PTPN14: variants seen among roughly 807,000 people sequenced by gnomAD.
PTPN14 encodes protein tyrosine phosphatase non-receptor type 14.
Under a neutral mutation model 126.8 loss-of-function variants are expected in PTPN14, and 53 were observed. The ratio of observed to expected loss-of-function variants is 0.42; its 90% CI spans 0.34 to 0.53. The LOEUF is 0.53. PTPN14 is among the 20% of genes least tolerant of loss of function. The probability of loss-of-function intolerance (pLI) is 0.08; values close to 1 mark genes in which losing one functional copy is unlikely to be tolerated. For synonymous variants in PTPN14, 630 were observed against 599.3 expected, an observed-to-expected ratio of 1.05 and a Z score of -0.75; for missense variants, 1,257 against 1,552.9, an observed-to-expected ratio of 0.81 and a Z score of 3.20.
rs758886972 is a variant in PTPN14, at chr1:214,386,870, T to C, written c.1040A>G (p.His347Arg). 8 of 1,608,226 alleles carry C rather than the reference T, an allele frequency of 5.0e-6. No homozygotes were observed. The highest frequency in any genetic ancestry group is 1.7e-5 in the Admixed American group (1 of 59,960). ...TTGCGAGGTGTGCGTTTCCGAGTAG[T>C]GCTCACCACACTGGACGTGAACGGG... Reference protein sequence around the residue: ...LPPVHVQCGEHYSETHTSQDS... With the variant: ...LPPVHVQCGERYSETHTSQDS... The change falls in exon 12 of 19, where the codon CAC (histidine) becomes CGC (arginine). Residue 347 changes from histidine (H) to arginine (R), a missense_variant. Physicochemically the swap from His to Arg is conservative, Grantham distance 29. Around this residue, in one of 3 missense-constraint regions of PTPN14, gnomAD observed 1,021 missense variants for 1,183.3 expected, o/e 0.86. Coordinates refer to ENST00000366956, the MANE Select transcript of PTPN14 (RefSeq NM_005401.5).
chr1:214,370,074 A>G lies in PTPN14; in HGVS notation c.3037-383T>C, dbSNP rs186484542. Among the ~76,000 whole-genome samples the G allele has an allele frequency of 1.3e-3, 193 of 152,244 alleles. 2 individuals are homozygous for G. The highest frequency in any genetic ancestry group is 0.012 in the Admixed American group (179 of 15,292). ...GGCGCGTGGATCACAAGGTCAGGAG[A>G]TCGAGACCATCCTGGCTAACATGGT... On this transcript the variant is annotated intron_variant, in intron 16 of 18. Coordinates refer to ENST00000366956, the MANE Select transcript of PTPN14 (RefSeq NM_005401.5).
At chr1:214,529,932 C>A (rs1655497814) in intron 1 of PTPN14, 1 of 152,106 alleles carries the variant, frequency 6.6e-6, no homozygotes, top group Non-Finnish European at 1.5e-5. Flanking sequence ...TAAAGAACCA[C>A]AAATTTGCCA....
chr1:214,397,777 C>A, intron 8 of PTPN14, 136 bp downstream of exon 8: 1 of 653,104 alleles, frequency 1.5e-6, no homozygotes, highest in South Asian at 2.1e-5. Flanking sequence ...CTGCAGAGGG[C>A]TCACCTTATA....
At chr1:214,497,184 AT>A (rs1235698038) in intron 1 of PTPN14, among the ~76,000 whole-genome samples, 3 of 152,170 alleles carry the variant, frequency 2.0e-5, no homozygotes, top group Non-Finnish European at 4.4e-5. Flanking sequence ...CTTGCAACAT[AT>A]GTAACAGACA....
Position 214,510,883 on chromosome 1 carries a change from GT to G in PTPN14, c.-155+40299del, listed in dbSNP as rs951257774. 3.2e-3 allele frequency among the ~76,000 whole-genome samples: 478 copies of G among 147,968 alleles called. 2 individuals are homozygous for G. The highest frequency in any genetic ancestry group is 0.011 in the African/African-American group (439 of 40,394). On this transcript the variant is annotated intron_variant, in intron 1 of 18. Coordinates refer to ENST00000366956, the MANE Select transcript of PTPN14 (RefSeq NM_005401.5). ...TAGTTATCAATTTGTTTTTTGTTTT[GT>G]TTTTTTTTTAAGAGATGAGGTCTTG...
At chr1:214,427,276 CAAAAAAAAAAAA>C (rs5741915) in intron 3 of PTPN14, among the ~76,000 whole-genome samples, 10 of 65,204 alleles carry the variant, frequency 1.5e-4, no homozygotes, top group African/African-American at 6.5e-4. Flanking sequence ...GTCTCCATCT[CAAAAAAAAAAAA>C]AAAAAAAAAA....
Position 214,356,914 on chromosome 1 carries a change from A to G in PTPN14, c.*1008T>C, listed in dbSNP as rs1277343131. The G allele has an allele frequency of 6.6e-6, 1 of 152,206 alleles. No individual in the cohort carries two copies. The highest frequency in any genetic ancestry group is 1.5e-5 in the Non-Finnish European group (1 of 68,050). 9.4% of individuals were successfully genotyped at this position (152,206 alleles called of 1,614,324 possible). Reference sequence around the variant, plus strand: ...GACCTCAACTTTTAGGTCTCTGTCCAGCACACACATCTTATTTAAATAAAA... The same window carrying G: ...GACCTCAACTTTTAGGTCTCTGTCCGGCACACACATCTTATTTAAATAAAA... On this transcript the variant is annotated 3_prime_UTR_variant, in exon 19 of 19. Coordinates refer to ENST00000366956, the MANE Select transcript of PTPN14 (RefSeq NM_005401.5).
chr1:214,496,694 C>CA (rs1558129678), intron 1 of PTPN14, among the ~76,000 whole-genome samples: 2 of 152,132 alleles, frequency 1.3e-5, no homozygotes, highest in Admixed American at 1.3e-4. Context: ...AACTAAATGA[C>CA]AGCTGGAGAG....
At chr1:214,532,467 G>A in intron 1 of PTPN14, 1 of 839,436 alleles carries the variant, frequency 1.2e-6, no homozygotes, top group Middle Eastern at 2.5e-4. Flanking sequence ...CTCCTACCTG[G>A]ACAGACTGAG....
At chr1:214,514,691 C>T (rs1297334531) in intron 1 of PTPN14, among the ~76,000 whole-genome samples, 4 of 152,102 alleles carry the variant, frequency 2.6e-5, no homozygotes, top group Admixed American at 2.0e-4. Context: ...AGGATGTGTG[C>T]CAACTCCTCC....
chr1:214,365,820 C>T (rs1290140119), intron 17 of PTPN14, among the ~76,000 whole-genome samples: 1 of 152,088 alleles, frequency 6.6e-6, no homozygotes, highest in Non-Finnish European at 1.5e-5. Context: ...TAGTACTAGT[C>T]ATAGCAGTAC....
rs56080046 is a variant in PTPN14, at chr1:214,350,707, A to ATTTTTTTTTTTTTTTTTTTTT, written c.*7194_*7214dup. On this transcript the variant is annotated 3_prime_UTR_variant, in exon 19 of 19. Transcript: ENST00000366956. ...AGGCATGTGCCACCATGCCTGGCTA[A>ATTTTTTTTTTTTTTTTTTTTT]TTTTTTTTTTTTTTTTTTTTTTTGT... is the stretch of plus-strand genomic sequence containing the variant. The ATTTTTTTTTTTTTTTTTTTTT allele has an allele frequency of 6.7e-5, 5 of 74,554 alleles. No individual in the cohort carries two copies. Among genetic ancestry groups the ATTTTTTTTTTTTTTTTTTTTT allele is most frequent in the Non-Finnish European group, 1.1e-4 (5 of 43,644 alleles). 4.6% of individuals were successfully genotyped at this position (74,554 alleles called of 1,614,324 possible).
At chr1:214,359,695 A>G (rs1433510514) in intron 18 of PTPN14, among the ~76,000 whole-genome samples, 3 of 151,850 alleles carry the variant, frequency 2.0e-5, no homozygotes, top group African/African-American at 7.3e-5. Flanking sequence ...AACTTTTAAA[A>G]TTTTGTGTAG....
intron 1 of PTPN14, among the ~76,000 whole-genome samples, chr1:214,524,569 T>C (rs927234324): frequency 1.3e-5 from 2 of 152,070 alleles, no homozygotes; most frequent in East Asian, 1.9e-4. Flanking sequence ...AGAGGATCCC[T>C]TGAGCCCAGG....
chr1:214,398,539 T>C (rs1177100404), intron 7 of PTPN14, among the ~76,000 whole-genome samples: 3 of 151,602 alleles, frequency 2.0e-5, no homozygotes, highest in Non-Finnish European at 4.4e-5. Context: ...CTTGACCTCC[T>C]GGGCTCAGAC....
Position 214,364,246 on chromosome 1 carries a change from C to T in PTPN14, c.3435+266G>A, listed in dbSNP as rs1658021913. Among the ~76,000 whole-genome samples, 1 of 152,084 alleles carries T rather than the reference C, an allele frequency of 6.6e-6. No homozygotes were observed. The highest frequency in any genetic ancestry group is 6.6e-5 in the Admixed American group (1 of 15,266). ...CAAAGACTTCTGGAAGTAGATGCCG[C>T]CTAAGATCACATTTTCTAAGTGTTT... On this transcript the variant is annotated intron_variant, in intron 18 of 18. Transcript: ENST00000366956. The surrounding 1 kb of genome is among the most constrained non-coding windows in gnomAD (Gnocchi z 4.1).
At chr1:214,479,144 G>A (rs1476355009) in intron 1 of PTPN14, among the ~76,000 whole-genome samples, 2 of 151,980 alleles carry the variant, frequency 1.3e-5, no homozygotes, top group Admixed American at 6.5e-5. Context: ...CCAGGAGTTT[G>A]TGACCAGCCT....
At chr1:214,409,025 C>T (rs765816991) in intron 5 of PTPN14, among the ~76,000 whole-genome samples, 1 of 152,184 alleles carries the variant, frequency 6.6e-6, no homozygotes, top group African/African-American at 2.4e-5. Context: ...TGTTGTGACA[C>T]ATGTATATAT....
chr1:214,454,928 A>G (rs984055918), intron 2 of PTPN14, among the ~76,000 whole-genome samples: 9 of 152,132 alleles, frequency 5.9e-5, no homozygotes, highest in African/African-American at 2.2e-4. Flanking sequence ...AGAACTGTCA[A>G]ATTCAGTTCT....
Sources: allele counts gnomAD v4.1 joint callset (sites outside exome capture counted in the v4.1 genomes callset), GRCh38; gene constraint gnomAD v4.1.1; regional missense constraint gnomAD v4.1.1; non-coding constraint Gnocchi (gnomAD v3.1); transcripts MANE v1.5; gene names NCBI Gene and HGNC (gene_info 2026-07-23, HGNC 2026-07-21).